Variants in FATE1 observed in about 807,000 individuals in gnomAD.
FATE1 encodes the protein fetal and adult testis expressed 1.
A neutral mutation model predicts 16.0 loss-of-function variants in FATE1; 18 were observed. The ratio of observed to expected loss-of-function variants is 1.12; its 90% confidence interval spans 0.78 to 1.66. FATE1 has a LOEUF of 1.66. Among genes scored for constraint, FATE1 ranks in the 40% most tolerant of loss-of-function variants. The probability of loss-of-function intolerance (pLI) is 0.00; values close to 1 mark genes in which losing one functional copy is unlikely to be tolerated. For synonymous variants in FATE1, 76 were observed against 56.9 expected (o/e 1.34, Z -1.51); for missense variants, 169 against 152.7 (o/e 1.11, Z -0.56).
At chrX:151,717,518 C>A in intron 2 of FATE1, 119 bp downstream of exon 2, 1 of 842,291 alleles carries the variant, frequency 1.2e-6, no homozygotes, top group South Asian at 3.0e-5. Context: ...GAGGAGGAAG[C>A]TCCTGTGCTC....
intron 2 of FATE1, among the ~76,000 whole-genome samples, chrX:151,718,176 A>AAGGGAGGGGG (rs2015081684): frequency 3.2e-5 from 3 of 94,857 alleles, no homozygotes; most frequent in Non-Finnish European, 6.4e-5. Context: ...AAGGAAGGGG[A>AAGGGAGGGGG]AAAGAAAGGA....
chrX:151,720,250 G>A (rs1303994517), intron 2 of FATE1, among the ~76,000 whole-genome samples: 1 of 111,212 alleles, frequency 9.0e-6, no homozygotes, highest in Non-Finnish European at 1.9e-5. Flanking sequence ...TGCTGCTGGC[G>A]GGGGCCTCCT....
chrX:151,718,134 AAG>A (rs2015079495), intron 2 of FATE1, among the ~76,000 whole-genome samples: 2 of 84,409 alleles, frequency 2.4e-5, no homozygotes, highest in Non-Finnish European at 5.0e-5. Context: ...GGAAGGAAGG[AAG>A]GAAGGAAGGA....
At chrX:151,718,225 AAGAAAGAAAGAAAGAG>A (rs1189316276) in intron 2 of FATE1, among the ~76,000 whole-genome samples, 29 of 110,510 alleles carry the variant, frequency 2.6e-4, no homozygotes, top group Non-Finnish European at 4.9e-4. Context: ...GGAAGAAAGA[AAGAAAGAAAGAAAGAG>A]AGAAAGAAAG....
rs1378109118 is a variant in FATE1, at chrX:151,721,960, G to T, written c.399G>T (p.Glu133Asp). The T allele has an allele frequency of 8.3e-7, 1 of 1,211,230 alleles. No homozygotes were observed. Among genetic ancestry groups the T allele is most frequent in the East Asian group, 3.0e-5 (1 of 33,809 alleles). The change falls in exon 4 of 5, where the codon GAG becomes GAT. Residue 133 changes from glutamate (E) to aspartate (D), a missense_variant. Physicochemically the swap from Glu to Asp is conservative, Grantham distance 45 (BLOSUM62 2). Coordinates refer to ENST00000370350, the MANE Select transcript of FATE1 (RefSeq NM_033085.3). ...GCCTGGAAGAGTTCAATGTACTGGA[G>T]ATGGAAGTCATGAGAAGACAGGTGA... Reference protein sequence around the residue: ...QTSLEEFNVLEMEVMRRQLYA... With the variant: ...QTSLEEFNVLDMEVMRRQLYA...
intron 4 of FATE1, 57 bp from the exon 5 acceptor site, chrX:151,722,571 C>T: frequency 2.5e-6 from 3 of 1,205,609 alleles, no homozygotes; most frequent in Non-Finnish European, 2.2e-6. Flanking sequence ...CATGGCTGTG[C>T]TGTGGGCTTC....
chrX:151,722,501 T>C, intron 4 of FATE1, 127 bp from the exon 5 acceptor site: 4 of 1,022,296 alleles, frequency 3.9e-6, no homozygotes, highest in East Asian at 3.1e-5. Flanking sequence ...CTAGGGGCGC[T>C]CCCCGCTCCA....
At chrX:151,721,139 C>T (rs2015111833) in intron 2 of FATE1, among the ~76,000 whole-genome samples, 1 of 112,783 alleles carries the variant, frequency 8.9e-6, no homozygotes, top group African/African-American at 3.2e-5. Context: ...ACAGGGACCC[C>T]TGTTACTGCT....
chrX:151,716,336 C>T (rs756752044), intron 1 of FATE1, 111 bp downstream of exon 1: 116 of 637,945 alleles, frequency 1.8e-4, no homozygotes, highest in Non-Finnish European at 2.6e-4. Context: ...AGTGTTTGCA[C>T]ATCTGTGTGT....
chrX:151,716,521 A>T (rs2015062380), intron 1 of FATE1, among the ~76,000 whole-genome samples: 1 of 111,545 alleles, frequency 9.0e-6, no homozygotes, highest in Admixed American at 9.5e-5. Flanking sequence ...GAGGGCTCAA[A>T]TTATGAGACC....
At chrX:151,718,112 GGAAGGA>G (rs1217427625) in intron 2 of FATE1, among the ~76,000 whole-genome samples, 5 of 13,655 alleles carry the variant, frequency 3.7e-4, no homozygotes, top group Middle Eastern at 0.036. Flanking sequence ...GAGAGAGAGA[GGAAGGA>G]AGGAAGGAAG....
At chrX:151,718,171 A>T (rs1397282277) in intron 2 of FATE1, among the ~76,000 whole-genome samples, 1 of 91,394 alleles carries the variant, frequency 1.1e-5, no homozygotes. Flanking sequence ...GAAGGAAGGA[A>T]GGGGAAAAGA....
chrX:151,722,100 G>A, intron 4 of FATE1, 119 bp downstream of exon 4: 1 of 622,621 alleles, frequency 1.6e-6, no homozygotes, highest in Non-Finnish European at 2.5e-6. Context: ...CGCTGGAGGT[G>A]GGGCAGATTC....
rs1569425658 is a variant in FATE1, at chrX:151,722,984, G to A, written c.*225G>A. The A allele has an allele frequency of 7.5e-6, 3 of 397,891 alleles. No individual in the cohort carries two copies. The East Asian group carries it at 1.4e-4, about 18-fold the overall frequency. The allele number at this position is 397,891 out of a possible 1,213,427, so 32.8% of individuals were successfully genotyped here. Reference sequence around the variant, plus strand: ...GGAGGAGGACTGCGTGGGCTGAGATGCCACCCTTTGAAGGGTGAACAGCAT... The same window carrying A: ...GGAGGAGGACTGCGTGGGCTGAGATACCACCCTTTGAAGGGTGAACAGCAT... On this transcript the variant is annotated 3_prime_UTR_variant, in exon 5 of 5. Transcript: ENST00000370350.
At chrX:151,716,342 T>C in intron 1 of FATE1, 117 bp downstream of exon 1, 3 of 605,380 alleles carry the variant, frequency 5.0e-6, no homozygotes, top group Non-Finnish European at 7.5e-6. Flanking sequence ...TGCACATCTG[T>C]GTGTTGGCCG....
chrX:151,720,111 C>T (rs2015102122), intron 2 of FATE1, among the ~76,000 whole-genome samples: 1 of 111,758 alleles, frequency 8.9e-6, no homozygotes, highest in South Asian at 3.8e-4. Flanking sequence ...GCCTGGCTGC[C>T]AACCAGGAGT....
intron 2 of FATE1, among the ~76,000 whole-genome samples, chrX:151,720,177 C>G (rs1230046547): frequency 9.0e-6 from 1 of 111,008 alleles, no homozygotes; most frequent in Non-Finnish European, 1.9e-5. Flanking sequence ...CCCTGTTTTC[C>G]TCCCTCCCCT....
chrX:151,716,350 C>A, intron 1 of FATE1, 125 bp downstream of exon 1: 1 of 558,514 alleles, frequency 1.8e-6, no homozygotes, highest in Non-Finnish European at 2.8e-6. Context: ...TGTGTGTTGG[C>A]CGGGCTTCGA....
chrX:151,721,857 C>T (rs762321222), intron 3 of FATE1, 46 bp from the exon 4 acceptor site: 2 of 1,152,928 alleles, frequency 1.7e-6, no homozygotes, highest in African/African-American at 1.8e-5. Context: ...TGCTCCCTGC[C>T]AGGGACCACC....
Sources: allele counts gnomAD v4.1 joint callset (sites outside exome capture counted in the v4.1 genomes callset), GRCh38; gene constraint gnomAD v4.1.1; transcripts MANE v1.5; gene names NCBI Gene and HGNC (gene_info 2026-07-23, HGNC 2026-07-21).